The following RAVER1 variants were observed in gnomAD, a reference collection of about 807,000 sequenced individuals.
RAVER1 encodes the protein ribonucleoprotein, PTB binding 1, also known as ribonucleoprotein PTB-binding 1.
A neutral mutation model predicts 68.4 loss-of-function variants in RAVER1; 36 were observed. That is an observed-to-expected ratio of 0.53 (90% CI 0.40 to 0.70). The LOEUF is 0.70. Ranked by LOEUF, RAVER1 falls within the 30% of genes least tolerant of loss-of-function variation. The pLI, the probability that RAVER1 is intolerant of heterozygous loss-of-function variation, is 0.00. For missense variants in RAVER1, 933 were observed against 1,019.8 expected (o/e 0.91, Z 1.16); for synonymous variants, 469 against 472.7 (o/e 0.99, Z 0.10).
Position 10,316,286 on chromosome 19 carries a change from G to A in RAVER1, c.*1168C>T. 2.4e-6 allele frequency: 3 copies of A among 1,253,812 alleles called. No homozygotes were observed. The highest frequency in any genetic ancestry group is 3.8e-5 in the South Asian group (2 of 52,320). The allele number at this position is 1,253,812 out of a possible 1,614,324, so 77.7% of individuals were successfully genotyped here. ...TGGGGAGACTGGGGTGGGGTCGGGG[G>A]AATAGTCCCCTTGGAGTGGATGTGG... On this transcript the variant is annotated 3_prime_UTR_variant, in exon 13 of 13. Transcript: ENST00000617231.
chr19:10,323,027 C>T lies in RAVER1; in HGVS notation c.1078+118G>A, dbSNP rs80266878. 1.9e-3 allele frequency: 1,698 copies of T among 873,568 alleles called. 20 individuals carry two copies. The African/African-American group carries it at 0.022, about 11-fold the overall frequency. The allele number at this position is 873,568 out of a possible 1,614,324, so 54.1% of individuals were successfully genotyped here. ...CCCGCTATGACTCCATACTCCCCCT[C>T]GGCCCTACTCCTGGGGCTCCTGTCA... On this transcript the variant is annotated intron_variant, in intron 5 of 12. Transcript: ENST00000617231. This position sits in a 1 kb window ranked among gnomAD's most constrained non-coding sequence, Gnocchi z 6.2.
chr19:10,332,931 G>A (rs191653483), intron 1 of RAVER1, among the ~76,000 whole-genome samples: 1 of 152,268 alleles, frequency 6.6e-6, no homozygotes, highest in African/African-American at 2.4e-5. Flanking sequence ...AGTGGGTGGA[G>A]AAAAGCATCA....
intron 6 of RAVER1, chr19:10,321,869 A>G (rs1049666142): frequency 2.4e-5 from 8 of 326,554 alleles, no homozygotes; most frequent in African/African-American, 1.3e-4. Context: ...TATCAACTGC[A>G]GCCACATGGA....
At chr19:10,331,093 T>C (rs2040512475) in intron 1 of RAVER1, among the ~76,000 whole-genome samples, 1 of 151,136 alleles carries the variant, frequency 6.6e-6, no homozygotes, top group Non-Finnish European at 1.5e-5. Flanking sequence ...CTCACGCCTG[T>C]AATCCCAGCA....
In RAVER1 at chr19:10,322,721, G is replaced by C. The variant is rs769041940; in HGVS notation, c.1097C>G (p.Pro366Arg). Residue 366 changes from proline (P) to arginine (R), a missense_variant, in exon 6 of 13, where the codon CCA (proline) becomes CGA (arginine). By Grantham distance (103) the Pro-to-Arg change is moderately radical. This residue lies in a region of RAVER1 where 699 missense variants were observed against 731.1 expected (regional missense o/e 0.96). Transcript: ENST00000617231. The surrounding 1 kb of genome is among the most constrained non-coding windows in gnomAD (Gnocchi z 4.3). ...TGGCCCATTGAGCAGCGGCATGGCT[G>C]GGGGGGCACCCAGGAGGCCTGGAGG... The part of the protein sequence containing the change: ...GGKQGLLGAP[P>R]AMPLLNGPAL... 6.6e-6 allele frequency: 10 copies of C among 1,508,904 alleles called. No individual in the cohort carries two copies. The highest frequency in any genetic ancestry group is 5.2e-5 in the East Asian group (2 of 38,768). 93.5% of individuals were successfully genotyped at this position (1,508,904 alleles called of 1,614,324 possible).
chr19:10,327,009 A>T (rs1420377548), intron 3 of RAVER1, among the ~76,000 whole-genome samples: 2 of 151,870 alleles, frequency 1.3e-5, no homozygotes, highest in African/African-American at 4.8e-5. Flanking sequence ...ACCTCAAGTG[A>T]TCCACCTGCC....
Position 10,317,864 on chromosome 19 carries a change from G to T in RAVER1, c.1990-91C>A. The T allele has an allele frequency of 1.3e-6, 1 of 769,592 alleles. No individual in the cohort carries two copies. The highest frequency in any genetic ancestry group is 1.5e-5 in the South Asian group (1 of 66,186). The allele number at this position is 769,592 out of a possible 1,614,324, so 47.7% of individuals were successfully genotyped here. A position where few individuals can be genotyped will look rare whatever the true frequency, so the allele number is the denominator to read the frequency against. On this transcript the variant is annotated intron_variant, in intron 11 of 12. Transcript: ENST00000617231. The surrounding 1 kb of genome is among the most constrained non-coding windows in gnomAD (Gnocchi z 4.3). ...CCCTGCCACTGCCCCCCAGCCCTGA[G>T]GGAAAGCGAACAGTTTCAGGTTCAA... is the stretch of plus-strand genomic sequence containing the variant.
chr19:10,321,664 AG>A, intron 6 of RAVER1, 46 bp from the exon 7 acceptor site: 2 of 1,356,290 alleles, frequency 1.5e-6, no homozygotes, highest in Admixed American at 3.0e-5. Context: ...AGGGTGGCCC[AG>A]GGAAGCAGAC....
intron 3 of RAVER1, among the ~76,000 whole-genome samples, chr19:10,324,154 CAA>C (rs60714347): frequency 0.041 from 3,933 of 95,230 alleles, 68 homozygotes; most frequent in East Asian, 0.066. Context: ...AACTCCATCT[CAA>C]AAAAAAAAAA....
At chr19:10,324,964 T>A (rs1276700872) in intron 3 of RAVER1, among the ~76,000 whole-genome samples, 1 of 151,974 alleles carries the variant, frequency 6.6e-6, no homozygotes, top group Non-Finnish European at 1.5e-5. Flanking sequence ...GGCAGGAGGA[T>A]CGTTTGAGCA....
chr19:10,322,846 G>A lies in RAVER1; in HGVS notation c.1079-107C>T. The A allele has an allele frequency of 3.1e-6, 2 of 641,686 alleles. No individual in the cohort carries two copies. Among genetic ancestry groups the A allele is most frequent in the South Asian group, 4.7e-5 (2 of 42,510 alleles). 39.7% of individuals were successfully genotyped at this position (641,686 alleles called of 1,614,324 possible). A position where few individuals can be genotyped will look rare whatever the true frequency, so the allele number is the denominator to read the frequency against. On this transcript the variant is annotated intron_variant, in intron 5 of 12. Coordinates refer to ENST00000617231, the MANE Select transcript of RAVER1 (RefSeq NM_133452.3). The surrounding 1 kb of genome is among the most constrained non-coding windows in gnomAD (Gnocchi z 4.3). The stretch of plus-strand genomic sequence containing the variant: ...GATGGGGCAGGAAACTGACACTCTG[G>A]GGCCGGGGGGTGGGCAGTGGACTTG...
At chr19:10,331,145 C>G (rs1483958882) in intron 1 of RAVER1, among the ~76,000 whole-genome samples, 1 of 149,620 alleles carries the variant, frequency 6.7e-6, no homozygotes, top group Non-Finnish European at 1.5e-5. Context: ...GTCAGGAGAT[C>G]GAGACCATCC....
In RAVER1 at chr19:10,328,425, G is replaced by A. The variant is rs535475011; in HGVS notation, c.756+217C>T. ...AATTATCCAGGCATGGGGGCGGGGC[G>A]CCTATAATCCCAGCTACTCTGGAGG... On this transcript the variant is annotated intron_variant, in intron 3 of 12. Transcript: ENST00000617231. This position sits in a 1 kb window ranked among gnomAD's most constrained non-coding sequence, Gnocchi z 4.4. 2.4e-4 allele frequency among the ~76,000 whole-genome samples: 36 copies of A among 152,254 alleles called. No homozygotes were observed. Among genetic ancestry groups the A allele is most frequent in the African/African-American group, 8.4e-4 (35 of 41,564 alleles).
At chr19:10,331,356 CAAAAAAAAAAAAAA>C (rs58419369) in intron 1 of RAVER1, among the ~76,000 whole-genome samples, 1 of 29,172 alleles carries the variant, frequency 3.4e-5, no homozygotes, top group South Asian at 1.8e-3. Flanking sequence ...GACTCCGTCT[CAAAAAAAAAAAAAA>C]AAAAAAAAAA....
chr19:10,330,589 G>A lies in RAVER1; in HGVS notation c.220-63C>T, dbSNP rs560009115. ...AGATGGAAGGGGGCAACCCAGTGCCGCTTCATAGCTGCCACCAGCTATGAA... is the reference window on the plus strand; with the variant it reads ...AGATGGAAGGGGGCAACCCAGTGCCACTTCATAGCTGCCACCAGCTATGAA... On this transcript the variant is annotated intron_variant, in intron 1 of 12. Coordinates refer to ENST00000617231, the MANE Select transcript of RAVER1 (RefSeq NM_133452.3). 7.5e-4 allele frequency: 560 copies of A among 746,274 alleles called. 4 individuals are homozygous for A. In the South Asian group the frequency reaches 8.1e-3, roughly 11 times the overall value. The allele number at this position is 746,274 out of a possible 1,614,324, so 46.2% of individuals were successfully genotyped here. A position where few individuals can be genotyped will look rare whatever the true frequency, so the allele number is the denominator to read the frequency against.
intron 3 of RAVER1, among the ~76,000 whole-genome samples, chr19:10,327,118 C>T (rs1234345141): frequency 3.3e-5 from 5 of 152,086 alleles, no homozygotes; most frequent in African/African-American, 7.2e-5. Flanking sequence ...CTTGCCCAGG[C>T]TAGTCTTGAA....
chr19:10,331,314 C>T (rs2040514518), intron 1 of RAVER1, among the ~76,000 whole-genome samples: 1 of 127,396 alleles, frequency 7.8e-6, no homozygotes. Flanking sequence ...TGCGCCACTG[C>T]AGTCCGCAGT....
At position 10,320,784 on chromosome 19, in the gene RAVER1, TG is replaced by T. The variant is rs1486076040; in HGVS notation, c.1640del (p.Pro547GlnfsTer144). The T allele has an allele frequency of 1.1e-5, 12 of 1,055,586 alleles. No homozygotes were observed. The highest frequency in any genetic ancestry group is 6.3e-5 in the East Asian group (1 of 15,858). 65.4% of individuals were successfully genotyped at this position (1,055,586 alleles called of 1,614,324 possible). On this transcript the variant is annotated frameshift_variant, in exon 9 of 13. Transcript: ENST00000617231. LOFTEE classifies it high-confidence loss of function. ...TGCTGCTGCTGCCACCTCCAGGGGC[TG>T]GGGGGTTAGTTGGGGGGCCCTCAGC... is the stretch of plus-strand genomic sequence containing the variant. ...RPAEGPPTNP[P>X]APGGGSSSSK... is the part of the protein sequence containing the mutation.
Position 10,321,540 on chromosome 19 carries a change from G to A in RAVER1, c.1252C>T (p.Leu418=). ...AQPANPLLGE[L]PAGGGLPPEL... The stretch of plus-strand genomic sequence containing the variant: ...GCAGGGTCTGCGTTACCTGCAGGCA[G>A]CTCCCCGAGGAGGGGGTTGGCTGGC... The change falls in exon 7 of 13, where the codon CTG becomes TTG. Residue 418 remains leucine, a synonymous_variant. Transcript: ENST00000617231. The A allele has an allele frequency of 7.4e-7, 1 of 1,360,398 alleles. No individual in the cohort carries two copies. The highest frequency in any genetic ancestry group is 9.5e-7 in the Non-Finnish European group (1 of 1,048,678). The allele number at this position is 1,360,398 out of a possible 1,614,324, so 84.3% of individuals were successfully genotyped here.
Sources: allele counts gnomAD v4.1 joint callset (sites outside exome capture counted in the v4.1 genomes callset), GRCh38; gene constraint gnomAD v4.1.1; regional missense constraint gnomAD v4.1.1; non-coding constraint Gnocchi (gnomAD v3.1); transcripts MANE v1.5; gene names NCBI Gene and HGNC (gene_info 2026-07-23, HGNC 2026-07-21).